KLHL32: variants seen among roughly 807,000 people sequenced by gnomAD.
KLHL32 encodes kelch-like protein 32.
Under a neutral mutation model 64.8 loss-of-function variants are expected in KLHL32, and 35 were observed. The observed-to-expected ratio is 0.54, with a 90% CI of 0.41 to 0.72. The LOEUF (loss-of-function observed/expected upper bound fraction) is 0.72, where lower values mean the gene tolerates loss of function less well. Among genes scored for constraint, KLHL32 ranks in the 30% least tolerant of loss-of-function variants. The pLI, the probability that KLHL32 is intolerant of heterozygous loss-of-function variation, is 0.00. For synonymous variants in KLHL32, 259 were observed against 281.0 expected, an observed-to-expected ratio of 0.92 and a Z score of 0.78; for missense variants, 589 against 768.5, an observed-to-expected ratio of 0.77 and a Z score of 2.76.
chr6:96,953,216 A>G (rs1047173806), intron 1 of KLHL32, among the ~76,000 whole-genome samples: 22 of 152,238 alleles, frequency 1.4e-4, no homozygotes, highest in African/African-American at 5.3e-4. Context: ...CCAAGAATCT[A>G]TCAATAATGT....
At chr6:97,056,665 C>A (rs1024026558) in intron 4 of KLHL32, among the ~76,000 whole-genome samples, 11 of 152,154 alleles carry the variant, frequency 7.2e-5, no homozygotes, top group Non-Finnish European at 1.3e-4. Context: ...CCAGCCCCTA[C>A]CTATACTCTA....
intron 4 of KLHL32, among the ~76,000 whole-genome samples, chr6:97,043,891 G>A (rs1582826288): frequency 1.3e-5 from 2 of 151,822 alleles, no homozygotes; most frequent in East Asian, 3.9e-4. Context: ...CTTTTTGATT[G>A]GGTTATTTAT....
At chr6:97,063,547 G>A (rs1789246236) in intron 4 of KLHL32, among the ~76,000 whole-genome samples, 1 of 152,294 alleles carries the variant, frequency 6.6e-6, no homozygotes, top group South Asian at 2.1e-4. Flanking sequence ...ATCATGAAGT[G>A]AAAATCCAGT....
chr6:97,043,446 C>CT (rs1785434074), intron 4 of KLHL32, among the ~76,000 whole-genome samples: 1 of 136,944 alleles, frequency 7.3e-6, no homozygotes, highest in Admixed American at 7.6e-5. Flanking sequence ...TACATACCAT[C>CT]TTTTCTTTAT....
chr6:96,949,181 G>T (rs774497948), intron 1 of KLHL32, among the ~76,000 whole-genome samples: 2 of 152,140 alleles, frequency 1.3e-5, no homozygotes, highest in Non-Finnish European at 2.9e-5. Context: ...TAGGGACATT[G>T]CATGTCTTGT....
chr6:97,000,449 A>C (rs1778893192), intron 3 of KLHL32, among the ~76,000 whole-genome samples: 10 of 152,194 alleles, frequency 6.6e-5, no homozygotes, highest in Admixed American at 6.5e-4. Flanking sequence ...GTGTGCTGGT[A>C]ACCGGATTTC....
chr6:97,133,186 T>C (rs530722574), intron 10 of KLHL32, among the ~76,000 whole-genome samples: 1 of 152,318 alleles, frequency 6.6e-6, no homozygotes, highest in East Asian at 1.9e-4. Context: ...CGGCAGAGGC[T>C]GTGAGCAGTA....
chr6:97,030,201 T>A (rs1783331755), intron 3 of KLHL32, among the ~76,000 whole-genome samples: 1 of 152,248 alleles, frequency 6.6e-6, no homozygotes, highest in African/African-American at 2.4e-5. Flanking sequence ...TACCAGATGC[T>A]TTAAAAAGTC....
intron 3 of KLHL32, among the ~76,000 whole-genome samples, chr6:97,037,279 CAT>C (rs1035004355): frequency 4.0e-5 from 6 of 151,822 alleles, no homozygotes; most frequent in Non-Finnish European, 8.8e-5. Flanking sequence ...ATTATGAAAA[CAT>C]AAAACTCTCT....
chr6:96,910,193 T>G, the KLHL32 span, among the ~76,000 whole-genome samples: 3 of 151,572 alleles, frequency 2.0e-5, no homozygotes, highest in Non-Finnish European at 2.9e-5. Flanking sequence ...GAACAGGGAG[T>G]GGCACAGGGA....
chr6:97,038,685 G>A (rs1261727366), intron 3 of KLHL32, among the ~76,000 whole-genome samples: 1 of 151,698 alleles, frequency 6.6e-6, no homozygotes, highest in African/African-American at 2.4e-5. Context: ...AGGGAAATCA[G>A]TATATATATA....
chr6:96,986,299 A>C (rs1341305289), intron 3 of KLHL32, among the ~76,000 whole-genome samples: 2 of 152,122 alleles, frequency 1.3e-5, no homozygotes, highest in Non-Finnish European at 2.9e-5. Context: ...GGGGCCTCCC[A>C]GTTAGGCTAC....
the KLHL32 span, among the ~76,000 whole-genome samples, chr6:96,905,151 C>T: frequency 1.3e-5 from 2 of 151,798 alleles, no homozygotes. Flanking sequence ...GCCCCAGCTA[C>T]AGAAGGTAGT....
chr6:97,023,853 T>C (rs9487757), intron 3 of KLHL32, among the ~76,000 whole-genome samples: 9,906 of 152,218 alleles, frequency 0.065, 690 homozygotes, highest in African/African-American at 0.17. Context: ...TCTGGAGATA[T>C]TAGAATCTGG....
chr6:96,930,083 A>G (rs1769664575), intron 1 of KLHL32, among the ~76,000 whole-genome samples: 1 of 152,078 alleles, frequency 6.6e-6, no homozygotes, highest in Non-Finnish European at 1.5e-5. Flanking sequence ...CCCCACCCAG[A>G]TGATACAACC....
At chr6:96,957,838 C>T (rs1181350768) in intron 1 of KLHL32, among the ~76,000 whole-genome samples, 3 of 152,100 alleles carry the variant, frequency 2.0e-5, no homozygotes, top group African/African-American at 7.2e-5. Flanking sequence ...TATAAAGAAA[C>T]TTTTATTATT....
chr6:97,003,364 A>G (rs1779272579), intron 3 of KLHL32, among the ~76,000 whole-genome samples: 1 of 151,552 alleles, frequency 6.6e-6, no homozygotes, highest in East Asian at 1.9e-4. Flanking sequence ...TTGCTTGTTA[A>G]TTTAAGTTCC....
At chr6:97,136,224 T>C (rs1799995485) in intron 10 of KLHL32, among the ~76,000 whole-genome samples, 1 of 152,202 alleles carries the variant, frequency 6.6e-6, no homozygotes, top group African/African-American at 2.4e-5. Context: ...TACCAGCCAA[T>C]AACTTCTCAC....
chr6:97,116,809 C>T (rs750773060), intron 7 of KLHL32, among the ~76,000 whole-genome samples: 1 of 152,190 alleles, frequency 6.6e-6, no homozygotes, highest in Non-Finnish European at 1.5e-5. Context: ...AATCTATCAA[C>T]CTATTACAGA....
Sources: allele counts gnomAD v4.1 joint callset (sites outside exome capture counted in the v4.1 genomes callset), GRCh38; gene constraint gnomAD v4.1.1; transcripts MANE v1.5; gene names NCBI Gene and HGNC (gene_info 2026-07-23, HGNC 2026-07-21).